ARHGAP6: variants seen among roughly 807,000 people sequenced by gnomAD.
ARHGAP6 encodes the protein Rho GTPase activating protein 6, also known as rho GTPase-activating protein 6.
In ARHGAP6, 16 loss-of-function variants were observed where a neutral mutation model predicts 55.7. That is an observed-to-expected ratio of 0.29 (90% CI 0.19 to 0.44). The LOEUF (loss-of-function observed/expected upper bound fraction) is 0.44, where lower values mean the gene tolerates loss of function less well. Ranked by LOEUF, ARHGAP6 falls within the 20% of genes least tolerant of loss-of-function variation. The pLI is 1.00. For synonymous variants in ARHGAP6, 382 were observed against 360.9 expected, an observed-to-expected ratio of 1.06 and a Z score of -0.66; for missense variants, 698 against 808.9, an observed-to-expected ratio of 0.86 and a Z score of 1.66.
chrX:11,509,692 T>C (rs2050766525), intron 1 of ARHGAP6, among the ~76,000 whole-genome samples: 3 of 112,067 alleles, frequency 2.7e-5, no homozygotes, highest in Admixed American at 1.9e-4. Flanking sequence ...AAATCGTAAG[T>C]CTAAAATCCA....
chrX:11,445,230 G>T (rs2050081034), intron 1 of ARHGAP6, among the ~76,000 whole-genome samples: 1 of 112,136 alleles, frequency 8.9e-6, no homozygotes, highest in Admixed American at 9.4e-5. Flanking sequence ...ACTTGAATAT[G>T]TGGTCCATAT....
At chrX:11,570,381 T>G (rs1029342612) in intron 1 of ARHGAP6, among the ~76,000 whole-genome samples, 1 of 111,813 alleles carries the variant, frequency 8.9e-6, no homozygotes, top group Non-Finnish European at 1.9e-5. Flanking sequence ...AAAGTATAAA[T>G]ATTTGATAAT....
chrX:11,546,408 C>T (rs894363059), intron 1 of ARHGAP6, among the ~76,000 whole-genome samples: 4 of 111,417 alleles, frequency 3.6e-5, no homozygotes, highest in Non-Finnish European at 7.5e-5. Context: ...AGTATTAAGC[C>T]TAAACTCACA....
intron 1 of ARHGAP6, among the ~76,000 whole-genome samples, chrX:11,379,003 C>T (rs2049233156): frequency 8.9e-6 from 1 of 112,452 alleles, no homozygotes; most frequent in African/African-American, 3.2e-5. Flanking sequence ...TCAGCTATTG[C>T]TGTGTAATAA....
chrX:11,649,692 T>C (rs2052565276), intron 1 of ARHGAP6, among the ~76,000 whole-genome samples: 1 of 112,035 alleles, frequency 8.9e-6, no homozygotes, highest in Non-Finnish European at 1.9e-5. Context: ...TTTTAAAAAC[T>C]TGTATTTTCA....
At chrX:11,373,049 A>T (rs2049162703) in intron 1 of ARHGAP6, among the ~76,000 whole-genome samples, 1 of 106,728 alleles carries the variant, frequency 9.4e-6, no homozygotes, top group Admixed American at 1.1e-4. Flanking sequence ...ATAATTCTAA[A>T]TTTTTAAATA....
intron 1 of ARHGAP6, among the ~76,000 whole-genome samples, chrX:11,492,112 C>T (rs2147849343): frequency 9.3e-6 from 1 of 107,562 alleles, no homozygotes; most frequent in South Asian, 4.1e-4. Flanking sequence ...GGATATTAGC[C>T]CTTTGTCAGA....
chrX:11,555,017 A>T (rs2051307251), intron 1 of ARHGAP6, among the ~76,000 whole-genome samples: 1 of 112,289 alleles, frequency 8.9e-6, no homozygotes, highest in Non-Finnish European at 1.9e-5. Flanking sequence ...TTGGGACAAC[A>T]AAACACATCT....
intron 1 of ARHGAP6, among the ~76,000 whole-genome samples, chrX:11,405,385 A>G (rs1445707979): frequency 8.9e-6 from 1 of 112,243 alleles, no homozygotes; most frequent in African/African-American, 3.2e-5. Context: ...TATAAGACAA[A>G]TCCATGACGG....
intron 1 of ARHGAP6, among the ~76,000 whole-genome samples, chrX:11,421,985 A>G (rs1157744090): frequency 8.9e-6 from 1 of 112,022 alleles, no homozygotes. Context: ...TGTTCTCATA[A>G]ATATTTATTG....
At chrX:11,153,881 C>A in intron 10 of ARHGAP6, among the ~76,000 whole-genome samples, 1 of 110,475 alleles carries the variant, frequency 9.1e-6, no homozygotes, top group South Asian at 4.0e-4. Flanking sequence ...GTTACATATG[C>A]ATGCATGTGC....
chrX:11,147,289 T>C (rs1296173090), intron 10 of ARHGAP6, among the ~76,000 whole-genome samples: 1 of 105,840 alleles, frequency 9.4e-6, no homozygotes, highest in African/African-American at 3.4e-5. Flanking sequence ...GACATAGACA[T>C]GTACACATAT....
At chrX:11,352,078 C>T (rs773051908) in intron 1 of ARHGAP6, among the ~76,000 whole-genome samples, 2 of 112,275 alleles carry the variant, frequency 1.8e-5, no homozygotes, top group Non-Finnish European at 3.8e-5. Flanking sequence ...TAAATTATAC[C>T]TCAGTAACAC....
chrX:11,310,491 G>A (rs899063557), intron 1 of ARHGAP6, among the ~76,000 whole-genome samples: 1 of 111,333 alleles, frequency 9.0e-6, no homozygotes, highest in African/African-American at 3.3e-5. Flanking sequence ...CCCTACAATA[G>A]AATATTATTC....
At chrX:11,546,786 C>T (rs2051215986) in intron 1 of ARHGAP6, among the ~76,000 whole-genome samples, 1 of 112,178 alleles carries the variant, frequency 8.9e-6, no homozygotes, top group African/African-American at 3.2e-5. Flanking sequence ...TGGAGATGGT[C>T]ATTCAATAAA....
At chrX:11,164,668 T>C (rs900936468) in intron 9 of ARHGAP6, among the ~76,000 whole-genome samples, 3 of 111,809 alleles carry the variant, frequency 2.7e-5, no homozygotes, top group Non-Finnish European at 5.6e-5. Context: ...GACAACTCAG[T>C]GGGGTGGGAA....
chrX:11,152,230 C>T (rs1017783746), intron 10 of ARHGAP6, among the ~76,000 whole-genome samples: 29 of 112,017 alleles, frequency 2.6e-4, no homozygotes, highest in Admixed American at 8.5e-4. Context: ...GGAATTGAAA[C>T]GTAGGCAATC....
chrX:11,158,149 C>A (rs2045888876), intron 9 of ARHGAP6, among the ~76,000 whole-genome samples: 2 of 112,016 alleles, frequency 1.8e-5, no homozygotes, highest in South Asian at 7.5e-4. Context: ...GCTACCCAAG[C>A]CTTAGCTCAA....
chrX:11,315,443 G>T (rs2048349149), intron 1 of ARHGAP6, among the ~76,000 whole-genome samples: 1 of 112,040 alleles, frequency 8.9e-6, no homozygotes, highest in Non-Finnish European at 1.9e-5. Flanking sequence ...GCTCACTCCT[G>T]CTGTGCAGTC....
Sources: gnomAD v4.1 joint callset for allele counts (sites outside exome capture counted in the v4.1 genomes callset) on GRCh38, gnomAD v4.1.1 for gene constraint, MANE v1.5 for transcripts, NCBI Gene and HGNC (gene_info 2026-07-23, HGNC 2026-07-21) for gene names.